The following CES4A variants were observed in gnomAD, a reference collection of about 807,000 sequenced individuals.
CES4A encodes the protein carboxylesterase 4A, also known as carboxylesterase 6.
A neutral mutation model predicts 65.4 loss-of-function variants in CES4A; 48 were observed. The observed-to-expected ratio is 0.73, with a 90% CI of 0.58 to 0.93. CES4A has a LOEUF of 0.93. CES4A is among the 40% of genes least tolerant of loss of function. The pLI is 0.00. For synonymous variants in CES4A, 247 were observed against 281.8 expected, an observed-to-expected ratio of 0.88 and a Z score of 1.24; for missense variants, 685 against 728.5, an observed-to-expected ratio of 0.94 and a Z score of 0.69.
At position 67,001,513 on chromosome 16, in the gene CES4A, C is replaced by T; in HGVS notation, c.690+52C>T. ...GCACAGACTTAGGCTCCTGCGTTCC[C>T]ACAAATGTATGCTCCACTGCACAGG... On this transcript the variant is annotated intron_variant, in intron 5 of 13. Transcript: ENST00000648724. The surrounding 1 kb of genome is among the most constrained non-coding windows in gnomAD (Gnocchi z 4.1). 2.0e-6 allele frequency: 3 copies of T among 1,535,592 alleles called. No homozygotes were observed. The highest frequency in any genetic ancestry group is 1.4e-5 in the African/African-American group (1 of 72,758).
At position 67,007,131 on chromosome 16, in the gene CES4A, A is replaced by G. The variant is rs2145670781; in HGVS notation, c.1517+314A>G. The G allele has an allele frequency of 8.9e-6, 3 of 337,476 alleles. No individual in the cohort carries two copies. In the East Asian group the frequency reaches 1.7e-4, roughly 19 times the overall value. The allele number at this position is 337,476 out of a possible 1,614,324, so 20.9% of individuals were successfully genotyped here. A position where few individuals can be genotyped will look rare whatever the true frequency, so the allele number is the denominator to read the frequency against. ...CAAGGATGTTGCAGACATGAGCCCC[A>G]TCCTCCAGCAGCTCACCACATAAAA... is the stretch of plus-strand genomic sequence containing the variant. On this transcript the variant is annotated intron_variant, in intron 13 of 13. Coordinates refer to ENST00000648724, the Ensembl canonical transcript of CES4A.
intron 1 of CES4A, among the ~76,000 whole-genome samples, chr16:66,994,457 C>G (rs1964647637): frequency 6.6e-6 from 1 of 150,718 alleles, no homozygotes; most frequent in Non-Finnish European, 1.5e-5. Flanking sequence ...GTGATCCACC[C>G]ACCTTGGCCT....
intron 11 of CES4A, 81 bp from the exon 12 acceptor site, chr16:67,006,310 A>G: frequency 1.4e-6 from 2 of 1,463,904 alleles, no homozygotes; most frequent in Non-Finnish European, 1.8e-6. Flanking sequence ...TGCTTGGTGC[A>G]GGTGAGTGGG....
chr16:67,006,959 C>G, intron 13 of CES4A, 142 bp downstream of exon 13: 1 of 667,534 alleles, frequency 1.5e-6, no homozygotes, highest in South Asian at 1.9e-5. Context: ...TCTTCTTCAG[C>G]TTTCCTCAGT....
chr16:67,000,585 C>G lies in CES4A; in HGVS notation c.261-53C>G. 1.3e-6 allele frequency: 2 copies of G among 1,515,996 alleles called. No homozygotes were observed. The highest frequency in any genetic ancestry group is 1.8e-6 in the Non-Finnish European group (2 of 1,126,980). The allele number at this position is 1,515,996 out of a possible 1,614,324, so 93.9% of individuals were successfully genotyped here. ...TTGGGTTCCGTCTTCTCACTGCGGA[C>G]CCTGGATTGAAACGATCTCCCCGCG... is the stretch of plus-strand genomic sequence containing the variant. On this transcript the variant is annotated intron_variant, in intron 2 of 13. Transcript: ENST00000648724. This position sits in a 1 kb window ranked among gnomAD's most constrained non-coding sequence, Gnocchi z 4.2.
Position 67,001,431 on chromosome 16 carries a change from G to C in CES4A, c.660G>C (p.Gln220His). 6.2e-7 allele frequency: 1 copy of C among 1,612,158 alleles called. No homozygotes were observed. Among genetic ancestry groups the C allele is most frequent in the Non-Finnish European group, 8.5e-7 (1 of 1,179,034 alleles). Residue 220 changes from glutamine to histidine, a missense_variant, in exon 5 of 14, where the codon CAG becomes CAC. By Grantham distance (24) the Gln-to-His change is conservative (BLOSUM62 0). Transcript: ENST00000648724. The surrounding 1 kb of genome is among the most constrained non-coding windows in gnomAD (Gnocchi z 4.1). ...CAGGAAATGTGACCCTGTTCGGCCA[G>C]TCGGCGGGGGCCATGAGCATCTCAG...
chr16:67,003,423 C>T lies in CES4A; in HGVS notation c.900+63C>T. 1 of 1,589,158 alleles carries T rather than the reference C, an allele frequency of 6.3e-7. No individual in the cohort carries two copies. The highest frequency in any genetic ancestry group is 8.6e-7 in the Non-Finnish European group (1 of 1,157,596). On this transcript the variant is annotated intron_variant, in intron 7 of 13. Coordinates refer to ENST00000648724, the Ensembl canonical transcript of CES4A. The surrounding 1 kb of genome is among the most constrained non-coding windows in gnomAD (Gnocchi z 4.2). Reference sequence around the variant, plus strand: ...GAGGGCCATCCTCCTATCCTGGTACCCAGCCACCCCCAACTACTTCCCCAG... The same window carrying T: ...GAGGGCCATCCTCCTATCCTGGTACTCAGCCACCCCCAACTACTTCCCCAG...
At position 66,991,305 on chromosome 16, in the gene CES4A, G is replaced by A. The variant is rs371265859; in HGVS notation, c.58+2475G>A. Among the ~76,000 whole-genome samples, 10 of 152,256 alleles carry A rather than the reference G, an allele frequency of 6.6e-5. No individual in the cohort carries two copies. The East Asian group carries it at 7.7e-4, about 12-fold the overall frequency. ...CTCCCAAAGTGCTGGGATTACAGGC[G>A]TGAGCCACCACACCAGCTGGCAAGT... is the stretch of plus-strand genomic sequence containing the variant. On this transcript the variant is annotated intron_variant, in intron 1 of 13. Transcript: ENST00000648724.
downstream of CES4A, among the ~76,000 whole-genome samples, chr16:67,010,397 G>A (rs377399075): frequency 1.2e-3 from 175 of 149,862 alleles, no homozygotes; most frequent in African/African-American, 3.7e-3. Flanking sequence ...AAATACACAC[G>A]ACAAATTTTA....
At chr16:67,006,941 G>A in intron 13 of CES4A, 124 bp downstream of exon 13, 1 of 818,070 alleles carries the variant, frequency 1.2e-6, no homozygotes. Context: ...CCCAAACAGG[G>A]TGCCCCTTCT....
chr16:67,006,979 G>T, intron 13 of CES4A, 162 bp downstream of exon 13: 2 of 607,056 alleles, frequency 3.3e-6, no homozygotes, highest in Non-Finnish European at 2.9e-6. Context: ...TCAGTCACCG[G>T]ATCCTAAACG....
In CES4A at chr16:66,996,464, C is replaced by G. The variant is rs545089254; in HGVS notation, c.260+635C>G. On this transcript the variant is annotated intron_variant, in intron 2 of 13. Transcript: ENST00000648724. ...GGCAGTGTTCACTCTCACATCACCC[C>G]CCTGACCCAGTCCGGAGCTCTTCCC... 6.9e-4 allele frequency among the ~76,000 whole-genome samples: 105 copies of G among 152,300 alleles called. 2 individuals are homozygous for G. The highest frequency in any genetic ancestry group is 2.1e-4 in the South Asian group (1 of 4,822).
chr16:67,006,681 G>C (rs984872666), intron 12 of CES4A, 64 bp from the exon 13 acceptor site: 33 of 1,560,006 alleles, frequency 2.1e-5, no homozygotes, highest in Non-Finnish European at 2.7e-5. Flanking sequence ...GAAGCAGCAG[G>C]AGTAGGGTGG....
intron 13 of CES4A, 90 bp from the exon 14 acceptor site, chr16:67,008,884 C>T: frequency 7.3e-7 from 1 of 1,374,594 alleles, no homozygotes; most frequent in South Asian, 1.4e-5. Context: ...AACCCCAAGT[C>T]CCAAGGGCAA....
rs1390271683 is a variant in CES4A, at chr16:67,001,090, G to A, written c.536+100G>A. ...GGCCTGGGGCGGGGATGGGGGGGGTGGGGCCGCGAGGCGGGGGCGGGGCCT... is the reference window on the plus strand; with the variant it reads ...GGCCTGGGGCGGGGATGGGGGGGGTAGGGCCGCGAGGCGGGGGCGGGGCCT... On this transcript the variant is annotated intron_variant, in intron 4 of 13. Transcript: ENST00000648724. The surrounding 1 kb of genome is among the most constrained non-coding windows in gnomAD (Gnocchi z 4.1). The A allele has an allele frequency of 2.9e-5, 30 of 1,044,170 alleles. No individual in the cohort carries two copies. The highest frequency in any genetic ancestry group is 8.6e-5 in the Admixed American group (3 of 35,060). 64.7% of individuals were successfully genotyped at this position (1,044,170 alleles called of 1,614,324 possible).
chr16:67,001,395 C>G lies in CES4A; in HGVS notation c.624C>G (p.Phe208Leu), dbSNP rs1265768130. 6.2e-7 allele frequency: 1 copy of G among 1,613,372 alleles called. No homozygotes were observed. Among genetic ancestry groups the G allele is most frequent in the Non-Finnish European group, 8.5e-7 (1 of 1,179,810 alleles). Residue 208 changes from phenylalanine (F) to leucine (L), a missense_variant, in exon 5 of 14, where the codon TTC becomes TTG. Coordinates refer to ENST00000648724, the Ensembl canonical transcript of CES4A. This position sits in a 1 kb window ranked among gnomAD's most constrained non-coding sequence, Gnocchi z 4.1. ...GGGTGCAGGAGAACATCGCAGCCTT[C>G]GGGGGAGACCCAGGAAATGTGACCC... is the stretch of plus-strand genomic sequence containing the variant.
exon 1 of CES4A, chr16:66,988,793 G>C: frequency 6.4e-7 from 1 of 1,568,394 alleles, no homozygotes; most frequent in Non-Finnish European, 8.7e-7. Context: ...TTCTGTGCTG[G>C]AGCCTCACCC....
At chr16:66,992,186 C>G (rs975719512) in intron 1 of CES4A, among the ~76,000 whole-genome samples, 3 of 152,222 alleles carry the variant, frequency 2.0e-5, no homozygotes, top group African/African-American at 7.2e-5. Context: ...CAGCTCCTCC[C>G]AAGTCCAGTG....
rs1420931818 is a variant in CES4A, at chr16:67,000,677, C to T, written c.300C>T (p.Tyr100=). Residue 100 remains tyrosine, a synonymous_variant, in exon 3 of 14, where the codon TAC becomes TAT. Coordinates refer to ENST00000648724, the Ensembl canonical transcript of CES4A. The surrounding 1 kb of genome is among the most constrained non-coding windows in gnomAD (Gnocchi z 4.2). ...CCTGGGGCCAGCTGGCCTCGATGTA[C>T]GTCAGCACGCGGGAACGGTACAAGT... 2.6e-6 allele frequency: 4 copies of T among 1,550,376 alleles called. No individual in the cohort carries two copies. In the South Asian group the frequency reaches 3.6e-5, roughly 14 times the overall value.
Sources: gnomAD v4.1 joint callset for allele counts (sites outside exome capture counted in the v4.1 genomes callset) on GRCh38, gnomAD v4.1.1 for gene constraint, Gnocchi (gnomAD v3.1) non-coding constraint, MANE v1.5 for transcripts, NCBI Gene and HGNC (gene_info 2026-07-23, HGNC 2026-07-21) for gene names.